The following SORCS2 variants were observed in gnomAD, a reference collection of about 807,000 sequenced individuals.
The protein encoded by SORCS2 is VPS10 domain-containing receptor SorCS2.
In SORCS2, 100 loss-of-function variants were observed where a neutral mutation model predicts 141.6. The ratio of observed to expected loss-of-function variants is 0.71; its 90% CI spans 0.60 to 0.83. The LOEUF (loss-of-function observed/expected upper bound fraction) is 0.83, where lower values mean the gene tolerates loss of function less well. Ranked by LOEUF, SORCS2 falls within the 40% of genes least tolerant of loss-of-function variation. The pLI, the probability that SORCS2 is intolerant of heterozygous loss-of-function variation, is 0.00. For synonymous variants in SORCS2, 789 were observed against 676.9 expected (o/e 1.17, Z -2.57); for missense variants, 1,646 against 1,560.2 (o/e 1.05, Z -0.93).
At chr4:7,328,160 G>C (rs936619347) in intron 1 of SORCS2, among the ~76,000 whole-genome samples, 3 of 150,790 alleles carry the variant, frequency 2.0e-5, no homozygotes, top group African/African-American at 7.3e-5. Flanking sequence ...GGAGTAGCTG[G>C]GATTACAGGC....
intron 3 of SORCS2, among the ~76,000 whole-genome samples, chr4:7,627,769 G>A (rs570597057): frequency 1.3e-5 from 2 of 152,340 alleles, no homozygotes; most frequent in Admixed American, 1.3e-4. Context: ...AGATCAACTC[G>A]TTTTATTTGG....
intron 1 of SORCS2, among the ~76,000 whole-genome samples, chr4:7,258,238 T>C (rs1338159865): frequency 1.3e-5 from 2 of 152,242 alleles, no homozygotes; most frequent in Non-Finnish European, 2.9e-5. Context: ...CATGGTGGTT[T>C]GCTGCACCCA....
chr4:7,722,752 G>C (rs889777766), intron 18 of SORCS2, among the ~76,000 whole-genome samples: 1 of 152,198 alleles, frequency 6.6e-6, no homozygotes, highest in Non-Finnish European at 1.5e-5. Context: ...ATTTTGGGGA[G>C]ACACTGACCA....
At chr4:7,735,651 T>C (rs1368434683) in intron 25 of SORCS2, among the ~76,000 whole-genome samples, 1 of 152,176 alleles carries the variant, frequency 6.6e-6, no homozygotes, top group African/African-American at 2.4e-5. Context: ...CCTGTGGTCT[T>C]TCCCAAGTTC....
intron 2 of SORCS2, among the ~76,000 whole-genome samples, chr4:7,422,884 T>A (rs912686483): frequency 2.8e-4 from 42 of 151,698 alleles, no homozygotes; most frequent in African/African-American, 9.7e-4. Context: ...CACCCGGAGG[T>A]CCATGCAGCC....
chr4:7,459,089 C>T (rs1177743189), intron 2 of SORCS2, among the ~76,000 whole-genome samples: 2 of 149,394 alleles, frequency 1.3e-5, no homozygotes, highest in African/African-American at 2.4e-5. Context: ...GCTGGGGGCA[C>T]ACTCTTCTGT....
intron 26 of SORCS2, among the ~76,000 whole-genome samples, chr4:7,739,444 G>C (rs1199587939): frequency 6.6e-6 from 1 of 152,302 alleles, no homozygotes; most frequent in Middle Eastern, 3.4e-3. Flanking sequence ...CCCCTAAAGA[G>C]TAATCCTAGT....
chr4:7,475,437 C>T (rs994508657), intron 2 of SORCS2, among the ~76,000 whole-genome samples: 4 of 152,088 alleles, frequency 2.6e-5, no homozygotes, highest in East Asian at 3.9e-4. Flanking sequence ...TAGGCTCGGC[C>T]GGCCCCCCGA....
In SORCS2 at chr4:7,286,511, G is replaced by C. The variant is rs1716233712; in HGVS notation, c.480+93385G>C. ...TTCTCCTGAGGTTTCCAAGACAAAG[G>C]GTGGCAGGCTGGCTGGGCCTGGCAC... On this transcript the variant is annotated intron_variant, in intron 1 of 26. Coordinates refer to ENST00000507866, the MANE Select transcript of SORCS2 (RefSeq NM_020777.3). This position sits in a 1 kb window ranked among gnomAD's most constrained non-coding sequence, Gnocchi z 4.1. Among the ~76,000 whole-genome samples, 2 of 152,190 alleles carry C rather than the reference G, an allele frequency of 1.3e-5. No individual in the cohort carries two copies. The highest frequency in any genetic ancestry group is 2.1e-4 in the South Asian group (1 of 4,830).
At chr4:7,638,778 G>A (rs140284111) in intron 4 of SORCS2, among the ~76,000 whole-genome samples, 124 of 152,332 alleles carry the variant, frequency 8.1e-4, no homozygotes, top group African/African-American at 2.8e-3. Context: ...AGTAGCAGGC[G>A]ATTAGGATCA....
chr4:7,435,963 T>G (rs1323970804), intron 2 of SORCS2, among the ~76,000 whole-genome samples: 1 of 152,260 alleles, frequency 6.6e-6, no homozygotes, highest in East Asian at 1.9e-4. Flanking sequence ...AGGAACACAC[T>G]TCCCAGTTAT....
chr4:7,662,231 C>A (rs1375199778), intron 6 of SORCS2, among the ~76,000 whole-genome samples: 2 of 147,990 alleles, frequency 1.4e-5, no homozygotes, highest in Admixed American at 1.3e-4. Flanking sequence ...CCCTCCCCCC[C>A]CTCCCCCACC....
chr4:7,601,616 C>CAAAAAAAA (rs1168678841), intron 3 of SORCS2, among the ~76,000 whole-genome samples: 8 of 45,636 alleles, frequency 1.8e-4, no homozygotes, highest in South Asian at 1.3e-3. Flanking sequence ...AAGACTCTCT[C>CAAAAAAAA]AAAAAAAAAA....
At chr4:7,701,528 C>T (rs1450285033) in intron 12 of SORCS2, among the ~76,000 whole-genome samples, 1 of 152,156 alleles carries the variant, frequency 6.6e-6, no homozygotes, top group Non-Finnish European at 1.5e-5. Context: ...TGGGCAGGGG[C>T]CCCTCCTTCG....
intron 1 of SORCS2, among the ~76,000 whole-genome samples, chr4:7,271,854 A>G (rs1387487546): frequency 6.6e-6 from 1 of 152,110 alleles, no homozygotes; most frequent in Non-Finnish European, 1.5e-5. Flanking sequence ...TGGGGGCAGG[A>G]AGGATGGGCC....
At chr4:7,246,850 G>C (rs1713131115) in intron 1 of SORCS2, among the ~76,000 whole-genome samples, 1 of 152,222 alleles carries the variant, frequency 6.6e-6, no homozygotes, top group Non-Finnish European at 1.5e-5. Context: ...TGACTCGGCT[G>C]TGCCTTCCAC....
intron 2 of SORCS2, among the ~76,000 whole-genome samples, chr4:7,519,475 C>G (rs1198574771): frequency 6.6e-6 from 1 of 152,238 alleles, no homozygotes; most frequent in African/African-American, 2.4e-5. Context: ...GTCTCAGTCT[C>G]CCTGTCTGCA....
At chr4:7,222,934 C>A (rs1728797077) in intron 1 of SORCS2, among the ~76,000 whole-genome samples, 1 of 152,136 alleles carries the variant, frequency 6.6e-6, no homozygotes, top group Non-Finnish European at 1.5e-5. Flanking sequence ...CAAGAACACG[C>A]AAAGACTTCT....
intron 1 of SORCS2, among the ~76,000 whole-genome samples, chr4:7,325,195 G>A (rs11735440): frequency 8.1e-4 from 124 of 152,228 alleles, no homozygotes; most frequent in Admixed American, 1.8e-3. Flanking sequence ...GAGTAGGTGG[G>A]GGGCTTTTCA....
Sources: allele counts gnomAD v4.1 joint callset (sites outside exome capture counted in the v4.1 genomes callset), GRCh38; gene constraint gnomAD v4.1.1; non-coding constraint Gnocchi (gnomAD v3.1); transcripts MANE v1.5; gene names NCBI Gene and HGNC (gene_info 2026-07-23, HGNC 2026-07-21).